Variants in PACRG observed in about 807,000 individuals in gnomAD.
The protein encoded by PACRG is parkin coregulated gene protein.
In PACRG, 29 loss-of-function variants were observed where a neutral mutation model predicts 29.7. The ratio of observed to expected loss-of-function variants is 0.98; its 90% CI spans 0.73 to 1.33. PACRG has a LOEUF of 1.33. Among genes scored for constraint, PACRG ranks in the 40% most tolerant of loss-of-function variants. PACRG has a pLI of 0.00. For synonymous variants in PACRG, 116 were observed against 118.7 expected, an observed-to-expected ratio of 0.98 and a Z score of 0.15; for missense variants, 279 against 316.2, an observed-to-expected ratio of 0.88 and a Z score of 0.89.
At chr6:163,166,293 A>G (rs989891164) in intron 4 of PACRG, 5 of 436,978 alleles carry the variant, frequency 1.1e-5, no homozygotes, top group African/African-American at 1.0e-4. Context: ...AAAAATGTAG[A>G]TTAGAATCGG....
At chr6:163,231,744 T>C (rs1417327248) in intron 4 of PACRG, among the ~76,000 whole-genome samples, 2 of 152,142 alleles carry the variant, frequency 1.3e-5, no homozygotes, top group Non-Finnish European at 2.9e-5. Flanking sequence ...ATCCATGAGC[T>C]TGCATAGTTT....
At chr6:162,867,144 C>T (rs746632275) in intron 2 of PACRG, among the ~76,000 whole-genome samples, 16 of 152,142 alleles carry the variant, frequency 1.1e-4, no homozygotes, top group Admixed American at 2.6e-4. Flanking sequence ...ACCAAATGCT[C>T]AATTGCCCCT....
At chr6:163,314,285 G>T (rs1023219871) in intron 4 of PACRG, among the ~76,000 whole-genome samples, 3 of 152,178 alleles carry the variant, frequency 2.0e-5, no homozygotes, top group African/African-American at 4.8e-5. Flanking sequence ...GCTTCCTCCT[G>T]TCCCACCTGC....
chr6:163,161,049 A>G (rs77842140), intron 4 of PACRG, among the ~76,000 whole-genome samples: 2,330 of 152,256 alleles, frequency 0.015, 30 homozygotes, highest in Non-Finnish European at 0.025. Context: ...TGTGTGTTAG[A>G]AGTCCATGCT....
chr6:163,139,563 C>CT (rs113964047), intron 4 of PACRG, among the ~76,000 whole-genome samples: 2,102 of 152,230 alleles, frequency 0.014, 52 homozygotes, highest in African/African-American at 0.047. Context: ...ACATAAAGCA[C>CT]TTACTGCAAT....
chr6:162,983,886 T>C (rs928967771), intron 2 of PACRG, among the ~76,000 whole-genome samples: 7 of 152,044 alleles, frequency 4.6e-5, no homozygotes, highest in African/African-American at 1.7e-4. Flanking sequence ...TTCTTAATTG[T>C]TCCCTCAAAT....
intron 1 of PACRG, among the ~76,000 whole-genome samples, chr6:162,737,591 G>A (rs762357778): frequency 6.6e-6 from 1 of 152,144 alleles, no homozygotes; most frequent in African/African-American, 2.4e-5. Context: ...AATGTCCACA[G>A]TTTTAATTAT....
chr6:162,841,854 T>C (rs371807504), intron 2 of PACRG, among the ~76,000 whole-genome samples: 25 of 151,154 alleles, frequency 1.7e-4, no homozygotes, highest in Non-Finnish European at 3.0e-4. Context: ...TCGTTATGTA[T>C]CCAGTAGTCA....
intron 2 of PACRG, among the ~76,000 whole-genome samples, chr6:162,879,371 T>C (rs1793639128): frequency 6.6e-6 from 1 of 152,160 alleles, no homozygotes; most frequent in South Asian, 2.1e-4. Flanking sequence ...AAAAGTTAAT[T>C]ATCTATTGGG....
In PACRG at chr6:163,197,701, G is replaced by A. The variant is rs965132699; in HGVS notation, c.613+108293G>A. ...TCTGACCTCATGATCCGCCTGCCTC[G>A]GCCTCCCAAAGTTTTGGGCTTACAG... is the stretch of plus-strand genomic sequence containing the variant. On this transcript the variant is annotated intron_variant, in intron 4 of 4. Coordinates refer to ENST00000366888, the MANE Select transcript of PACRG (RefSeq NM_001080379.2). Among the ~76,000 whole-genome samples the A allele has an allele frequency of 1.1e-4, 17 of 151,620 alleles. No homozygotes were observed. In the South Asian group the frequency reaches 1.5e-3, roughly 13 times the overall value.
intron 2 of PACRG, among the ~76,000 whole-genome samples, chr6:162,912,504 G>A (rs1796372181): frequency 6.6e-6 from 1 of 151,904 alleles, no homozygotes; most frequent in Admixed American, 6.5e-5. Context: ...GTAAGTGTAA[G>A]TGAAGTTTCC....
chr6:162,753,018 G>T (rs1340724768), intron 1 of PACRG, among the ~76,000 whole-genome samples: 2 of 152,040 alleles, frequency 1.3e-5, no homozygotes, highest in Non-Finnish European at 2.9e-5. Flanking sequence ...GGGGCACAAT[G>T]TGATGTTTTG....
chr6:163,101,250 T>C, intron 4 of PACRG: 3 of 980,996 alleles, frequency 3.1e-6, no homozygotes, highest in South Asian at 4.7e-5. Context: ...TACTGGAATT[T>C]AAAAAACAAG....
At chr6:162,844,758 C>T (rs1173194227) in intron 2 of PACRG, among the ~76,000 whole-genome samples, 1 of 152,200 alleles carries the variant, frequency 6.6e-6, no homozygotes, top group Admixed American at 6.5e-5. Flanking sequence ...TCTTATTGAT[C>T]ACAATCCTTC....
chr6:162,727,703 CAGGCCCATGCGCGCAGCGGCGCCA>C, upstream of PACRG: 1 of 1,562,234 alleles, frequency 6.4e-7, no homozygotes, highest in South Asian at 1.2e-5. Context: ...GGGCCAGGAA[CAGGCCCATGCGCGCAGCGGCGCCA>C]GCCGCGCCTC....
chr6:163,015,789 C>T (rs745818453), intron 2 of PACRG, among the ~76,000 whole-genome samples: 24 of 151,998 alleles, frequency 1.6e-4, no homozygotes, highest in Non-Finnish European at 2.9e-4. Flanking sequence ...CCACAAAGAG[C>T]GAAAGTTTGA....
rs115262073 is a variant in PACRG at position 163,091,026 on chromosome 6, C to G, written c.613+1618C>G. Among the ~76,000 whole-genome samples, 674 of 152,270 alleles carry G rather than the reference C, an allele frequency of 4.4e-3. 5 individuals carry two copies. Among genetic ancestry groups the G allele is most frequent in the African/African-American group, 0.015 (644 of 41,558 alleles). On this transcript the variant is annotated intron_variant, in intron 4 of 4. Transcript: ENST00000366888. Reference sequence around the variant, plus strand: ...TACTTGATGATCCTGGAAGATGAGCCTGAACACATTTCTCCTTTCTTGCCT... The same window carrying G: ...TACTTGATGATCCTGGAAGATGAGCGTGAACACATTTCTCCTTTCTTGCCT...
At chr6:162,788,527 A>T (rs960121214) in intron 1 of PACRG, among the ~76,000 whole-genome samples, 1 of 152,212 alleles carries the variant, frequency 6.6e-6, no homozygotes, top group African/African-American at 2.4e-5. Context: ...GGCAAATTCC[A>T]AGGAGTGTGA....
At chr6:162,941,968 C>T (rs1798663054) in intron 2 of PACRG, among the ~76,000 whole-genome samples, 1 of 152,232 alleles carries the variant, frequency 6.6e-6, no homozygotes, top group African/African-American at 2.4e-5. Context: ...CACTCACCCT[C>T]TCACTAGCTG....
Sources: allele counts gnomAD v4.1 joint callset (sites outside exome capture counted in the v4.1 genomes callset), GRCh38; gene constraint gnomAD v4.1.1; transcripts MANE v1.5; gene names NCBI Gene and HGNC (gene_info 2026-07-23, HGNC 2026-07-21).